The following CSMD1 variants were observed in gnomAD, a reference collection of about 807,000 sequenced individuals.
CSMD1 encodes CUB and Sushi multiple domains 1.
CSMD1 carries 213 observed loss-of-function variants against 417.5 expected under a neutral mutation model. That is an observed-to-expected ratio of 0.51 (90% CI 0.46 to 0.57). The LOEUF is 0.57. CSMD1 is among the 20% of genes least tolerant of loss of function. CSMD1 has a pLI of 0.00. For missense variants in CSMD1, 6,923 were observed against 4,529.7 expected, an observed-to-expected ratio of 1.53 and a Z score of -15.17; for synonymous variants, 2,862 against 1,736.8, an observed-to-expected ratio of 1.65 and a Z score of -16.11.
intron 3 of CSMD1, among the ~76,000 whole-genome samples, chr8:4,178,917 G>C (rs1798201801): frequency 6.6e-6 from 1 of 152,124 alleles, no homozygotes; most frequent in South Asian, 2.1e-4. Flanking sequence ...ACTGCTCAAT[G>C]AAATAAGAGA....
intron 1 of CSMD1, among the ~76,000 whole-genome samples, chr8:4,748,751 G>C (rs1024595129): frequency 3.3e-5 from 5 of 152,216 alleles, no homozygotes; most frequent in Non-Finnish European, 5.9e-5. Context: ...CATTTTTACA[G>C]ACTTAATTAC....
intron 2 of CSMD1, among the ~76,000 whole-genome samples, chr8:4,606,146 G>A (rs1421354121): frequency 3.9e-5 from 6 of 152,136 alleles, no homozygotes; most frequent in Non-Finnish European, 8.8e-5. Flanking sequence ...CACTAATACT[G>A]AGCTTCTAAA....
chr8:4,851,333 G>C (rs114955984), intron 1 of CSMD1, among the ~76,000 whole-genome samples: 2 of 151,452 alleles, frequency 1.3e-5, no homozygotes, highest in Non-Finnish European at 2.9e-5. Flanking sequence ...AACTTTTCTC[G>C]CCCCCTTTTT....
chr8:3,125,022 C>A lies in CSMD1; in HGVS notation c.6242-6435G>T, dbSNP rs930378337. Among the ~76,000 whole-genome samples, 4 of 152,178 alleles carry A rather than the reference C, an allele frequency of 2.6e-5. No individual in the cohort carries two copies. In the South Asian group the frequency reaches 8.3e-4, roughly 32 times the overall value. On this transcript the variant is annotated intron_variant, in intron 41 of 69. Coordinates refer to ENST00000635120, the MANE Select transcript of CSMD1 (RefSeq NM_033225.6). The stretch of plus-strand genomic sequence containing the variant: ...TACTTAACTACTTAAATATTAATAC[C>A]GATATTCCCTCAAACTTTTGATGTA...
At chr8:4,878,534 A>G (rs1356552295) in intron 1 of CSMD1, among the ~76,000 whole-genome samples, 1 of 151,954 alleles carries the variant, frequency 6.6e-6, no homozygotes, top group Non-Finnish European at 1.5e-5. Context: ...CAGAATGATT[A>G]TTTCTTGTAC....
At chr8:3,792,286 T>G (rs1468023719) in intron 5 of CSMD1, among the ~76,000 whole-genome samples, 1 of 151,986 alleles carries the variant, frequency 6.6e-6, no homozygotes, top group African/African-American at 2.4e-5. Context: ...GAGAGAGACC[T>G]GGTCTCAAAA....
intron 3 of CSMD1, among the ~76,000 whole-genome samples, chr8:4,094,890 G>T (rs924575330): frequency 6.6e-6 from 1 of 152,192 alleles, no homozygotes; most frequent in African/African-American, 2.4e-5. Flanking sequence ...TTAAAAGACA[G>T]ATTGAAGAGG....
At chr8:4,977,066 T>C (rs1221391110) in intron 1 of CSMD1, among the ~76,000 whole-genome samples, 1 of 152,190 alleles carries the variant, frequency 6.6e-6, no homozygotes, top group Admixed American at 6.5e-5. Context: ...CAGCTTTTAG[T>C]ATCAACAGTT....
At chr8:4,295,695 A>G (rs2128870109) in intron 3 of CSMD1, among the ~76,000 whole-genome samples, 1 of 144,614 alleles carries the variant, frequency 6.9e-6, no homozygotes, top group Admixed American at 7.0e-5. Context: ...CATGTTATAT[A>G]TGTTATATAT....
At chr8:3,475,528 G>A (rs1199830575) in intron 11 of CSMD1, among the ~76,000 whole-genome samples, 13 of 152,130 alleles carry the variant, frequency 8.5e-5, no homozygotes, top group Admixed American at 4.6e-4. Context: ...ATTAATTCAC[G>A]TGTGATTTTA....
chr8:4,815,842 A>C (rs1278849570), intron 1 of CSMD1, among the ~76,000 whole-genome samples: 2 of 152,098 alleles, frequency 1.3e-5, no homozygotes, highest in East Asian at 3.8e-4. Context: ...GGCTCCCAAG[A>C]AGGGCTGTGG....
intron 3 of CSMD1, among the ~76,000 whole-genome samples, chr8:4,269,171 C>T (rs925927616): frequency 1.3e-5 from 2 of 152,154 alleles, no homozygotes; most frequent in Non-Finnish European, 2.9e-5. Flanking sequence ...ATGGTCCTGC[C>T]TCAGCCCTCC....
At chr8:3,170,662 A>G (rs1223952900) in intron 37 of CSMD1, among the ~76,000 whole-genome samples, 1 of 152,216 alleles carries the variant, frequency 6.6e-6, no homozygotes, top group East Asian at 1.9e-4. Flanking sequence ...TTAATTTTTA[A>G]TTAATCCATG....
At chr8:3,399,102 C>T in intron 16 of CSMD1, among the ~76,000 whole-genome samples, 1 of 152,046 alleles carries the variant, frequency 6.6e-6, no homozygotes, top group South Asian at 2.1e-4. Flanking sequence ...TGAATTGATT[C>T]CAGTGCAGGT....
rs78304409 is a variant in CSMD1, at chr8:4,097,574, T to A, written c.416-65475A>T. 1.5e-3 allele frequency among the ~76,000 whole-genome samples: 235 copies of A among 152,340 alleles called. 8 individuals carry two copies. The East Asian group carries it at 0.04, about 26-fold the overall frequency. On this transcript the variant is annotated intron_variant, in intron 3 of 69. Coordinates refer to ENST00000635120, the MANE Select transcript of CSMD1 (RefSeq NM_033225.6). ...AGTCAGAGGACTACTCAGTGCAGTA[T>A]GATTCTAGTAACACCCAGATTGATT...
At chr8:4,705,451 T>C (rs886466337) in intron 1 of CSMD1, among the ~76,000 whole-genome samples, 10 of 152,298 alleles carry the variant, frequency 6.6e-5, no homozygotes, top group African/African-American at 9.6e-5. Flanking sequence ...CATTCAAAAG[T>C]GTGCTCACAT....
chr8:4,779,442 C>T (rs943244618), intron 1 of CSMD1, among the ~76,000 whole-genome samples: 10 of 152,068 alleles, frequency 6.6e-5, no homozygotes, highest in Non-Finnish European at 1.3e-4. Context: ...AAACTCACCA[C>T]AATGTATATT....
At chr8:4,240,207 C>T (rs144046914) in intron 3 of CSMD1, among the ~76,000 whole-genome samples, 1 of 152,356 alleles carries the variant, frequency 6.6e-6, no homozygotes, top group African/African-American at 2.4e-5. Flanking sequence ...GTGATTTTGA[C>T]AACCGGCTGC....
chr8:4,325,279 C>G (rs73504698), intron 3 of CSMD1, among the ~76,000 whole-genome samples: 3,138 of 152,270 alleles, frequency 0.021, 98 homozygotes, highest in African/African-American at 0.072. Flanking sequence ...TCCCCACTAA[C>G]CAAGTATTCC....
Sources: allele counts gnomAD v4.1 joint callset (sites outside exome capture counted in the v4.1 genomes callset), GRCh38; gene constraint gnomAD v4.1.1; transcripts MANE v1.5; gene names NCBI Gene and HGNC (gene_info 2026-07-23, HGNC 2026-07-21).